The following RAD51B variants were observed in gnomAD, a reference collection of about 807,000 sequenced individuals.
RAD51B encodes RAD51 paralog B.
RAD51B carries 38 observed loss-of-function variants against 42.2 expected under a neutral mutation model. The ratio of observed to expected loss-of-function variants is 0.90; its 90% CI spans 0.70 to 1.18. The LOEUF (loss-of-function observed/expected upper bound fraction) is 1.18. Ranked by LOEUF, RAD51B falls within the 50% of genes most tolerant of loss-of-function variation. The probability of loss-of-function intolerance (pLI) is 0.00; values close to 1 mark genes in which losing one functional copy is unlikely to be tolerated. For missense variants in RAD51B, 373 were observed against 400.7 expected, an observed-to-expected ratio of 0.93 and a Z score of 0.59; for synonymous variants, 154 against 145.2, an observed-to-expected ratio of 1.06 and a Z score of -0.43.
chr14:68,582,875 C>T (rs1305846046), intron 10 of RAD51B, among the ~76,000 whole-genome samples: 1 of 152,096 alleles, frequency 6.6e-6, no homozygotes, highest in Admixed American at 6.6e-5. Flanking sequence ...AAGCTGGAAA[C>T]CATTATTCTC....
At chr14:68,514,882 A>G (rs1429470493) in intron 10 of RAD51B, among the ~76,000 whole-genome samples, 1 of 152,228 alleles carries the variant, frequency 6.6e-6, no homozygotes. Flanking sequence ...TAAGAAATAC[A>G]AAGAAAAAAG....
chr14:68,357,349 C>T (rs2082930408), intron 8 of RAD51B, among the ~76,000 whole-genome samples: 1 of 152,196 alleles, frequency 6.6e-6, no homozygotes, highest in Non-Finnish European at 1.5e-5. Flanking sequence ...CTTGCTATTT[C>T]CGCCACATCT....
chr14:68,099,805 G>C (rs1296583189), intron 7 of RAD51B, among the ~76,000 whole-genome samples: 1 of 152,226 alleles, frequency 6.6e-6, no homozygotes, highest in Non-Finnish European at 1.5e-5. Context: ...ATGGAATTGT[G>C]TGGGGCTGTG....
chr14:68,175,201 G>A (rs17105083), intron 7 of RAD51B, among the ~76,000 whole-genome samples: 2 of 152,010 alleles, frequency 1.3e-5, no homozygotes, highest in African/African-American at 4.8e-5. Context: ...CATTTTCCAT[G>A]CTTTTGCTGG....
At chr14:67,988,433 T>G (rs1340494770) in intron 7 of RAD51B, among the ~76,000 whole-genome samples, 1 of 151,962 alleles carries the variant, frequency 6.6e-6, no homozygotes, top group Non-Finnish European at 1.5e-5. Context: ...CACTGCAGCC[T>G]AGGCAACAGA....
At chr14:68,312,354 T>G (rs548466357) in intron 8 of RAD51B, among the ~76,000 whole-genome samples, 1 of 152,312 alleles carries the variant, frequency 6.6e-6, no homozygotes, top group South Asian at 2.1e-4. Flanking sequence ...GTCTTCTAGT[T>G]TAAAACATGT....
At chr14:67,977,809 C>T (rs2075023094) in intron 7 of RAD51B, among the ~76,000 whole-genome samples, 2 of 152,222 alleles carry the variant, frequency 1.3e-5, no homozygotes, top group South Asian at 4.1e-4. Flanking sequence ...ATACTTTGCA[C>T]AAGCCCTGGA....
chr14:68,557,006 C>G (rs756331661), intron 10 of RAD51B, among the ~76,000 whole-genome samples: 1 of 152,180 alleles, frequency 6.6e-6, no homozygotes, highest in Non-Finnish European at 1.5e-5. Context: ...CCAGCCCTAC[C>G]TAGCCTTCAA....
At chr14:68,564,384 C>T (rs1352391953) in intron 10 of RAD51B, among the ~76,000 whole-genome samples, 3 of 152,164 alleles carry the variant, frequency 2.0e-5, no homozygotes, top group Non-Finnish European at 4.4e-5. Context: ...GCCTAGCCGG[C>T]CCCTGTTAGC....
At chr14:67,874,589 C>G (rs2042663702) in intron 5 of RAD51B, among the ~76,000 whole-genome samples, 1 of 152,004 alleles carries the variant, frequency 6.6e-6, no homozygotes, top group Non-Finnish European at 1.5e-5. Flanking sequence ...CAGGGACTGC[C>G]TTGGGGAGAG....
chr14:68,583,861 G>A (rs748086415), intron 10 of RAD51B, among the ~76,000 whole-genome samples: 2 of 152,214 alleles, frequency 1.3e-5, no homozygotes, highest in Non-Finnish European at 2.9e-5. Context: ...CAGGGCATAT[G>A]TGGGTCCTTG....
intron 7 of RAD51B, among the ~76,000 whole-genome samples, chr14:68,126,445 G>T (rs899486387): frequency 6.6e-6 from 1 of 152,182 alleles, no homozygotes; most frequent in Non-Finnish European, 1.5e-5. Flanking sequence ...TGTCAGCAAA[G>T]ATTGGAAGCA....
intron 7 of RAD51B, among the ~76,000 whole-genome samples, chr14:68,204,997 C>T (rs915115675): frequency 1.3e-5 from 2 of 152,082 alleles, no homozygotes; most frequent in African/African-American, 2.4e-5. Context: ...AATATATTTA[C>T]ACTTATGACA....
Position 67,823,534 on chromosome 14 carries a change from A to G in RAD51B, c.-2-8A>G. 6.2e-7 allele frequency: 1 copy of G among 1,612,034 alleles called. No homozygotes were observed. Among genetic ancestry groups the G allele is most frequent in the Non-Finnish European group, 8.5e-7 (1 of 1,178,876 alleles). ...TCATGGTTCTTCTTTTCTTTGCTGGATCTGGAGGCATGGGTAGCAAGAAAC... is the reference window on the plus strand; with the variant it reads ...TCATGGTTCTTCTTTTCTTTGCTGGGTCTGGAGGCATGGGTAGCAAGAAAC... On this transcript the variant is annotated splice_polypyrimidine_tract_variant and splice_region_variant and intron_variant, in intron 1 of 10. Coordinates refer to ENST00000471583, the MANE Select transcript of RAD51B (RefSeq NM_133510.4).
intron 7 of RAD51B, among the ~76,000 whole-genome samples, chr14:67,929,271 G>A (rs1171730208): frequency 6.6e-6 from 1 of 151,928 alleles, no homozygotes; most frequent in Non-Finnish European, 1.5e-5. Context: ...TGTCCCACAG[G>A]TTTTGGTATG....
intron 7 of RAD51B, among the ~76,000 whole-genome samples, chr14:68,231,456 C>G (rs552905632): frequency 1.3e-5 from 2 of 152,110 alleles, no homozygotes; most frequent in Non-Finnish European, 2.9e-5. Flanking sequence ...TTCCCCTAAA[C>G]CATCATTCTA....
intron 7 of RAD51B, among the ~76,000 whole-genome samples, chr14:68,291,198 A>T (rs937255881): frequency 9.2e-5 from 14 of 151,406 alleles, no homozygotes; most frequent in Non-Finnish European, 1.6e-4. Flanking sequence ...ATTTATTTTT[A>T]TTTATTTATT....
chr14:68,370,160 A>T (rs1004872412), intron 8 of RAD51B, among the ~76,000 whole-genome samples: 7 of 152,330 alleles, frequency 4.6e-5, no homozygotes, highest in Admixed American at 1.3e-4. Context: ...TCACATAAAA[A>T]TTTTGCAACC....
chr14:68,016,432 C>T (rs1301151592), intron 7 of RAD51B, among the ~76,000 whole-genome samples: 5 of 152,096 alleles, frequency 3.3e-5, no homozygotes, highest in African/African-American at 1.2e-4. Flanking sequence ...CAACTGGATA[C>T]AATAGTGTAA....
Sources: gnomAD v4.1 joint callset for allele counts (sites outside exome capture counted in the v4.1 genomes callset) on GRCh38, gnomAD v4.1.1 for gene constraint, MANE v1.5 for transcripts, NCBI Gene and HGNC (gene_info 2026-07-23, HGNC 2026-07-21) for gene names.